The following NALF1 variants were observed in gnomAD, a reference collection of about 807,000 sequenced individuals.
The protein encoded by NALF1 is family with sequence similarity 155 member A.
Under a neutral mutation model 48.4 loss-of-function variants are expected in NALF1, and 3 were observed. The observed-to-expected ratio is 0.06, with a 90% CI of 0.03 to 0.16. The LOEUF (loss-of-function observed/expected upper bound fraction) is 0.16. NALF1 is among the 10% of genes least tolerant of loss of function. The pLI is 1.00. For missense variants in NALF1, 526 were observed against 571.5 expected (o/e 0.92, Z 0.81); for synonymous variants, 262 against 245.7 (o/e 1.07, Z -0.62).
intron 1 of NALF1, among the ~76,000 whole-genome samples, chr13:107,605,810 T>C (rs938150486): frequency 4.8e-4 from 73 of 152,310 alleles, no homozygotes; most frequent in African/African-American, 1.7e-3. Context: ...AACATATTAG[T>C]TGAAGAAAAC....
At chr13:107,411,668 G>A (rs992535138) in intron 1 of NALF1, among the ~76,000 whole-genome samples, 2 of 152,126 alleles carry the variant, frequency 1.3e-5, no homozygotes, top group African/African-American at 4.8e-5. Flanking sequence ...CAAGTCTGAC[G>A]TGTGTCACTA....
intron 1 of NALF1, among the ~76,000 whole-genome samples, chr13:107,626,154 T>C (rs1011192340): frequency 1.3e-5 from 2 of 152,060 alleles, no homozygotes; most frequent in Non-Finnish European, 2.9e-5. Flanking sequence ...AAAACTATAC[T>C]GAGTTACCAC....
At chr13:107,616,500 A>G (rs1566416611) in intron 1 of NALF1, among the ~76,000 whole-genome samples, 1 of 152,240 alleles carries the variant, frequency 6.6e-6, no homozygotes, top group Non-Finnish European at 1.5e-5. Flanking sequence ...TTTGATGGAA[A>G]TGTGTTAAAA....
intron 1 of NALF1, among the ~76,000 whole-genome samples, chr13:107,703,699 T>G (rs908536808): frequency 6.6e-6 from 1 of 152,154 alleles, no homozygotes; most frequent in African/African-American, 2.4e-5. Flanking sequence ...TCCATTTATT[T>G]TCAAACGCAT....
At chr13:107,406,046 C>A (rs1421885270) in intron 1 of NALF1, among the ~76,000 whole-genome samples, 1 of 152,004 alleles carries the variant, frequency 6.6e-6, no homozygotes, top group African/African-American at 2.4e-5. Context: ...CGATCACCAC[C>A]ACTACCTAGA....
chr13:107,861,556 G>A (rs1233207840), intron 1 of NALF1, among the ~76,000 whole-genome samples: 4 of 152,216 alleles, frequency 2.6e-5, no homozygotes, highest in South Asian at 2.1e-4. Context: ...AGGCCAAGGC[G>A]GGCAGATCAC....
At chr13:107,594,990 G>A (rs944970935) in intron 1 of NALF1, among the ~76,000 whole-genome samples, 1 of 151,996 alleles carries the variant, frequency 6.6e-6, no homozygotes, top group African/African-American at 2.4e-5. Flanking sequence ...TATCTTTTAT[G>A]ATTATATAAT....
At chr13:107,318,067 C>T (rs61965552) in intron 1 of NALF1, among the ~76,000 whole-genome samples, 4,226 of 151,932 alleles carry the variant, frequency 0.028, 81 homozygotes, top group Non-Finnish European at 0.044. Flanking sequence ...CATGCAAATA[C>T]GGTAAGGAGA....
chr13:107,772,736 G>T (rs977896397), intron 1 of NALF1, among the ~76,000 whole-genome samples: 2 of 152,148 alleles, frequency 1.3e-5, no homozygotes, highest in Non-Finnish European at 2.9e-5. Flanking sequence ...TCACGGCCTT[G>T]ACTATTAGCC....
At chr13:107,415,379 G>GT (rs959870844) in intron 1 of NALF1, among the ~76,000 whole-genome samples, 2,876 of 137,054 alleles carry the variant, frequency 0.021, 80 homozygotes, top group African/African-American at 0.07. Context: ...TAAGGAGAGA[G>GT]TTTTTTTTTT....
chr13:107,779,672 T>C (rs576475666), intron 1 of NALF1, among the ~76,000 whole-genome samples: 1 of 152,308 alleles, frequency 6.6e-6, no homozygotes, highest in East Asian at 1.9e-4. Flanking sequence ...AGTTTGACAC[T>C]GAATTTTCAT....
intron 2 of NALF1, among the ~76,000 whole-genome samples, chr13:107,207,805 C>G (rs904730703): frequency 6.6e-5 from 10 of 152,202 alleles, no homozygotes; most frequent in African/African-American, 2.4e-4. Context: ...ATAACTGTGT[C>G]TGGCTAGTTC....
intron 1 of NALF1, among the ~76,000 whole-genome samples, chr13:107,395,861 A>C (rs756048535): frequency 6.6e-6 from 1 of 152,058 alleles, no homozygotes; most frequent in Non-Finnish European, 1.5e-5. Flanking sequence ...GTTGCCGATC[A>C]TATTGGATTA....
At chr13:107,321,151 G>A (rs1882247300) in intron 1 of NALF1, among the ~76,000 whole-genome samples, 1 of 152,000 alleles carries the variant, frequency 6.6e-6, no homozygotes. Context: ...GATAGCAAAT[G>A]TTTTTATTTT....
intron 1 of NALF1, among the ~76,000 whole-genome samples, chr13:107,229,590 G>T (rs1457995683): frequency 2.6e-5 from 4 of 152,120 alleles, no homozygotes; most frequent in African/African-American, 9.7e-5. Context: ...ATTCAAAGTG[G>T]GTGAGGAATT....
chr13:107,677,977 T>C (rs771112281), intron 1 of NALF1, among the ~76,000 whole-genome samples: 6 of 152,216 alleles, frequency 3.9e-5, no homozygotes, highest in Non-Finnish European at 7.3e-5. Context: ...ATTTCTGCCA[T>C]GGTATATTTT....
intron 1 of NALF1, among the ~76,000 whole-genome samples, chr13:107,464,495 GT>G (rs976554746): frequency 6.6e-6 from 1 of 151,968 alleles, no homozygotes; most frequent in African/African-American, 2.4e-5. Context: ...TCATGCCATT[GT>G]TTAAATAAAT....
chr13:107,678,992 G>A (rs1250342777), intron 1 of NALF1, among the ~76,000 whole-genome samples: 1 of 152,148 alleles, frequency 6.6e-6, no homozygotes, highest in Non-Finnish European at 1.5e-5. Context: ...AATAACTGGT[G>A]GTTTGAGACG....
In NALF1 at chr13:107,274,853, G is replaced by C. The variant is rs534224933; in HGVS notation, c.916-64098C>G. ...TGTGGTCATGGAACAGGCAGAATTT[G>C]TAGAGGTCTTACCTGCTTGGAAGCC... On this transcript the variant is annotated intron_variant, in intron 1 of 2. Transcript: ENST00000375915. 3.3e-5 allele frequency among the ~76,000 whole-genome samples: 5 copies of C among 152,264 alleles called. No homozygotes were observed. In the South Asian group the frequency reaches 8.3e-4, roughly 25 times the overall value.
Sources: gnomAD v4.1 joint callset for allele counts (sites outside exome capture counted in the v4.1 genomes callset) on GRCh38, gnomAD v4.1.1 for gene constraint, MANE v1.5 for transcripts, NCBI Gene and HGNC (gene_info 2026-07-23, HGNC 2026-07-21) for gene names.